CRPPA: variants seen among roughly 807,000 people sequenced by gnomAD.
CRPPA encodes D-ribitol-5-phosphate cytidylyltransferase.
Under a neutral mutation model 52.0 loss-of-function variants are expected in CRPPA, and 43 were observed. The observed-to-expected ratio is 0.83, with a 90% CI of 0.65 to 1.07. The LOEUF (loss-of-function observed/expected upper bound fraction) is 1.07, where lower values mean the gene tolerates loss of function less well. CRPPA is among the 50% of genes least tolerant of loss of function. The pLI, the probability that CRPPA is intolerant of heterozygous loss-of-function variation, is 0.00. For synonymous variants in CRPPA, 250 were observed against 203.5 expected, an observed-to-expected ratio of 1.23 and a Z score of -1.94; for missense variants, 629 against 551.7, an observed-to-expected ratio of 1.14 and a Z score of -1.40.
intron 6 of CRPPA, chr7:16,262,245 T>C (rs1267489991): frequency 6.6e-6 from 1 of 152,194 alleles, no homozygotes; most frequent in Non-Finnish European, 1.5e-5. Context: ...GTCCACACAT[T>C]GGCTGCCTTA....
chr7:16,173,156 T>C (rs1164197172), intron 9 of CRPPA, among the ~76,000 whole-genome samples: 1 of 152,188 alleles, frequency 6.6e-6, no homozygotes, highest in African/African-American at 2.4e-5. Context: ...CCCAGACCAA[T>C]TCAATGAAAA....
chr7:16,283,792 T>C (rs974764680), intron 5 of CRPPA, among the ~76,000 whole-genome samples: 122 of 152,054 alleles, frequency 8.0e-4, no homozygotes, highest in African/African-American at 2.9e-3. Context: ...ACTACTCTTA[T>C]CTGCATGTCT....
intron 9 of CRPPA, among the ~76,000 whole-genome samples, chr7:16,192,001 G>A (rs931740616): frequency 2.0e-5 from 3 of 152,022 alleles, no homozygotes; most frequent in Admixed American, 6.6e-5. Flanking sequence ...ATTTTTTAAC[G>A]ATTTAATCTT....
intron 2 of CRPPA, among the ~76,000 whole-genome samples, chr7:16,396,651 C>T (rs1458203128): frequency 6.6e-6 from 1 of 152,218 alleles, no homozygotes; most frequent in African/African-American, 2.4e-5. Flanking sequence ...CAACTTGCAA[C>T]TGCAAAAACA....
chr7:16,155,493 A>G (rs1467657065), intron 9 of CRPPA, among the ~76,000 whole-genome samples: 1 of 152,172 alleles, frequency 6.6e-6, no homozygotes, highest in Non-Finnish European at 1.5e-5. Context: ...TCTGCCACCC[A>G]ACACAGTAAG....
intron 3 of CRPPA, among the ~76,000 whole-genome samples, chr7:16,364,228 A>G (rs556920426): frequency 6.6e-6 from 1 of 152,332 alleles, no homozygotes; most frequent in East Asian, 1.9e-4. Context: ...TATACCCAAA[A>G]GGTCATAATA....
At chr7:16,376,716 A>G (rs532579462) in intron 2 of CRPPA, among the ~76,000 whole-genome samples, 3 of 152,316 alleles carry the variant, frequency 2.0e-5, no homozygotes, top group African/African-American at 7.2e-5. Flanking sequence ...GGGTTGCTCT[A>G]ATTTGTGTCT....
chr7:16,274,304 C>A (rs1021675713), intron 6 of CRPPA, among the ~76,000 whole-genome samples: 2 of 152,242 alleles, frequency 1.3e-5, no homozygotes, highest in South Asian at 2.1e-4. Context: ...CACCTCGGAT[C>A]CCAAATTGCT....
chr7:16,225,183 G>C (rs988880371), intron 8 of CRPPA, among the ~76,000 whole-genome samples: 8 of 151,942 alleles, frequency 5.3e-5, no homozygotes, highest in African/African-American at 1.7e-4. Context: ...TGTTACATAA[G>C]TATACACTGT....
intron 9 of CRPPA, among the ~76,000 whole-genome samples, chr7:16,161,513 T>C (rs7459380): frequency 0.83 from 126,376 of 152,172 alleles, 52,976 homozygotes; most frequent in Admixed American, 0.9. Context: ...TTGAATCAGC[T>C]TTGTATCCCA....
At chr7:16,142,070 G>A (rs1208858092) in intron 9 of CRPPA, among the ~76,000 whole-genome samples, 1 of 151,846 alleles carries the variant, frequency 6.6e-6, no homozygotes, top group African/African-American at 2.4e-5. Flanking sequence ...TAAATCAAAT[G>A]GCATAGCTAG....
intron 3 of CRPPA, among the ~76,000 whole-genome samples, chr7:16,336,479 T>C (rs916546669): frequency 2.0e-5 from 3 of 150,694 alleles, no homozygotes; most frequent in African/African-American, 7.3e-5. Context: ...AAACCTATAT[T>C]ATAGCTGTAC....
intron 9 of CRPPA, among the ~76,000 whole-genome samples, chr7:16,137,699 C>T (rs1278465541): frequency 6.6e-6 from 1 of 152,036 alleles, no homozygotes; most frequent in Non-Finnish European, 1.5e-5. Flanking sequence ...TAGACTGATC[C>T]TATATTTTAG....
chr7:16,247,793 A>T (rs1783320388), intron 8 of CRPPA: 1 of 152,202 alleles, frequency 6.6e-6, no homozygotes, highest in South Asian at 2.1e-4. Flanking sequence ...TAAACATTGT[A>T]CAATATTTTA....
intron 2 of CRPPA, among the ~76,000 whole-genome samples, chr7:16,404,239 C>G (rs1253616613): frequency 1.3e-5 from 2 of 152,252 alleles, no homozygotes; most frequent in African/African-American, 4.8e-5. Flanking sequence ...TCTGAACCAG[C>G]TTCTTAATCT....
At chr7:16,403,976 C>A (rs891982017) in intron 2 of CRPPA, among the ~76,000 whole-genome samples, 15 of 152,160 alleles carry the variant, frequency 9.9e-5, no homozygotes, top group South Asian at 6.2e-4. Flanking sequence ...ATAAAAAAGC[C>A]AGTTTTCTGT....
At chr7:16,370,514 G>C (rs1046019076) in intron 3 of CRPPA, among the ~76,000 whole-genome samples, 1 of 152,114 alleles carries the variant, frequency 6.6e-6, no homozygotes, top group Non-Finnish European at 1.5e-5. Context: ...ACCCAGAAGA[G>C]CAATATCACT....
At chr7:16,268,498 T>C (rs940331840) in intron 6 of CRPPA, among the ~76,000 whole-genome samples, 1 of 152,172 alleles carries the variant, frequency 6.6e-6, no homozygotes, top group Admixed American at 6.5e-5. Context: ...GCAATATTTA[T>C]ACATAAAATT....
At chr7:16,276,000 G>C (rs1242402163) in intron 6 of CRPPA, among the ~76,000 whole-genome samples, 1 of 151,552 alleles carries the variant, frequency 6.6e-6, no homozygotes, top group Non-Finnish European at 1.5e-5. Flanking sequence ...GAAAATGACA[G>C]AACTATAAAA....
Sources: allele counts gnomAD v4.1 joint callset (sites outside exome capture counted in the v4.1 genomes callset), GRCh38; gene constraint gnomAD v4.1.1; transcripts MANE v1.5; gene names NCBI Gene and HGNC (gene_info 2026-07-23, HGNC 2026-07-21).